Variants in NT5C1A observed in about 807,000 individuals in gnomAD.
The protein encoded by NT5C1A is 5'-nucleotidase, cytosolic IA.
A neutral mutation model predicts 31.0 loss-of-function variants in NT5C1A; 18 were observed. The ratio of observed to expected loss-of-function variants is 0.58; its 90% CI spans 0.40 to 0.86. The LOEUF is 0.86. Among genes scored for constraint, NT5C1A ranks in the 40% least tolerant of loss-of-function variants. The probability of loss-of-function intolerance (pLI) is 0.00; values close to 1 mark genes in which losing one functional copy is unlikely to be tolerated. For missense variants in NT5C1A, 470 were observed against 505.4 expected, an observed-to-expected ratio of 0.93 and a Z score of 0.67; for synonymous variants, 185 against 203.6, an observed-to-expected ratio of 0.91 and a Z score of 0.78.
chr1:39,652,577 CA>C lies in NT5C1A; in HGVS notation c.*6543del, dbSNP rs1646438114. 6.6e-6 allele frequency among the ~76,000 whole-genome samples: 1 copy of C among 152,160 alleles called. No individual in the cohort carries two copies. The highest frequency in any genetic ancestry group is 2.1e-4 in the South Asian group (1 of 4,820). On this transcript the variant is annotated 3_prime_UTR_variant, in exon 6 of 6. Coordinates refer to ENST00000235628, the MANE Select transcript of NT5C1A (RefSeq NM_032526.3). ...GTGGCTTCTTGGTGGCAGTTAGCTACAAGACTAGCCTTGAGGCCTTTACCCT... is the reference window on the plus strand; with the variant it reads ...GTGGCTTCTTGGTGGCAGTTAGCTACAGACTAGCCTTGAGGCCTTTACCCT...
intron 1 of NT5C1A, among the ~76,000 whole-genome samples, chr1:39,667,640 T>C (rs1646530416): frequency 6.6e-6 from 1 of 152,134 alleles, no homozygotes; most frequent in African/African-American, 2.4e-5. Flanking sequence ...CAACATTGAG[T>C]GGTTACCATC....
At chr1:39,662,698 G>A (rs1646497898) in intron 4 of NT5C1A, among the ~76,000 whole-genome samples, 1 of 152,184 alleles carries the variant, frequency 6.6e-6, no homozygotes, top group Non-Finnish European at 1.5e-5. Context: ...TCCTCTATGG[G>A]CCTGTTTATC....
Position 39,658,992 on chromosome 1 carries a change from C to CA in NT5C1A, c.*128dup. The CA allele has an allele frequency of 7.9e-7, 1 of 1,264,218 alleles. No homozygotes were observed. Among genetic ancestry groups the CA allele is most frequent in the Non-Finnish European group, 1.1e-6 (1 of 922,398 alleles). 78.3% of individuals were successfully genotyped at this position (1,264,218 alleles called of 1,614,324 possible). A position where few individuals can be genotyped will look rare whatever the true frequency, so the allele number is the denominator to read the frequency against. ...TCTGCATAATTTCCTACAAGTACAT[C>CA]ACTCATAGGGATGAGGGCAGACAGG... On this transcript the variant is annotated 3_prime_UTR_variant, in exon 6 of 6. Transcript: ENST00000235628.
At position 39,653,602 on chromosome 1, in the gene NT5C1A, A is replaced by C. The variant is rs1209028155; in HGVS notation, c.*5519T>G. On this transcript the variant is annotated 3_prime_UTR_variant, in exon 6 of 6. Transcript: ENST00000235628. Reference sequence around the variant, plus strand: ...AGTCCTTTTTGGCTGGCTAGAGCTAACCGTGGGGAGAGTCCAGCGCAGCAC... The same window carrying C: ...AGTCCTTTTTGGCTGGCTAGAGCTACCCGTGGGGAGAGTCCAGCGCAGCAC... 6.6e-6 allele frequency among the ~76,000 whole-genome samples: 1 copy of C among 152,234 alleles called. No homozygotes were observed. Among genetic ancestry groups the C allele is most frequent in the African/African-American group, 2.4e-5 (1 of 41,464 alleles).
rs571799028 is a variant in NT5C1A, at chr1:39,652,255, G to A, written c.*6866C>T. The stretch of plus-strand genomic sequence containing the variant: ...ACTGGAGATTCAAGGGCCGGATCTC[G>A]CCTACAGAATATGTTTTATTTGGCC... On this transcript the variant is annotated 3_prime_UTR_variant, in exon 6 of 6. Coordinates refer to ENST00000235628, the MANE Select transcript of NT5C1A (RefSeq NM_032526.3). Among the ~76,000 whole-genome samples the A allele has an allele frequency of 2.6e-5, 4 of 152,020 alleles. No homozygotes were observed. Among genetic ancestry groups the A allele is most frequent in the South Asian group, 2.1e-4 (1 of 4,820 alleles).
In NT5C1A at chr1:39,665,907, A is replaced by C. The variant is rs563242469; in HGVS notation, c.303+162T>G. 9.2e-5 allele frequency among the ~76,000 whole-genome samples: 14 copies of C among 152,316 alleles called. No individual in the cohort carries two copies. In the East Asian group the frequency reaches 2.7e-3, roughly 29 times the overall value. Reference sequence around the variant, plus strand: ...GCTGCATTTGTCCAGAGGGTGGATGAATTTTCTTCCCAAAAGACTCTGTCA... The same window carrying C: ...GCTGCATTTGTCCAGAGGGTGGATGCATTTTCTTCCCAAAAGACTCTGTCA... On this transcript the variant is annotated intron_variant, in intron 2 of 5. Transcript: ENST00000235628.
chr1:39,667,624 A>T (rs1456607204), intron 1 of NT5C1A, among the ~76,000 whole-genome samples: 1 of 152,146 alleles, frequency 6.6e-6, no homozygotes, highest in Non-Finnish European at 1.5e-5. Context: ...GGCTCCAATC[A>T]GTTGACAACA....
intron 1 of NT5C1A, 129 bp downstream of exon 1, chr1:39,671,775 C>T: frequency 1.8e-6 from 2 of 1,104,520 alleles, no homozygotes; most frequent in Non-Finnish European, 2.6e-6. Flanking sequence ...AGCTGCAGGG[C>T]GCATTCTGGG....
intron 1 of NT5C1A, among the ~76,000 whole-genome samples, chr1:39,668,765 C>T (rs1646535608): frequency 6.6e-6 from 1 of 152,246 alleles, no homozygotes; most frequent in African/African-American, 2.4e-5. Context: ...ACTGAGGTTT[C>T]TAACGGCAGG....
chr1:39,659,597 T>A, intron 5 of NT5C1A, 111 bp from the exon 6 acceptor site: 1 of 1,364,102 alleles, frequency 7.3e-7, no homozygotes, highest in Non-Finnish European at 9.9e-7. Flanking sequence ...TCAGGATCCC[T>A]AAATCTTTCA....
chr1:39,666,070 T>A lies in NT5C1A; in HGVS notation c.302A>T (p.Lys101Met). The part of the protein sequence containing the change: ...FSPGPAFPFV[K>M]ALEAVNRRLR... ...CTAGTGGTGGAACTGCTCCCTCACC[T>A]TCACAAAAGGGAAGGCTGGCCCGGG... Residue 101 changes from lysine to methionine, a missense_variant and splice_region_variant, in exon 2 of 6, where the codon AAG (lysine) becomes ATG (methionine). Coordinates refer to ENST00000235628, the MANE Select transcript of NT5C1A (RefSeq NM_032526.3). 6.2e-7 allele frequency: 1 copy of A among 1,612,344 alleles called. No homozygotes were observed. Among genetic ancestry groups the A allele is most frequent in the Non-Finnish European group, 8.5e-7 (1 of 1,179,286 alleles).
chr1:39,661,140 G>A lies in NT5C1A; in HGVS notation c.680C>T (p.Ala227Val). The stretch of plus-strand genomic sequence containing the variant: ...CTCGAAGAATCGGTCCAGCCCGTGG[G>A]CCTTGACGATGCGCTCCGACTCGTC... ...FSDESERIVKAHGLDRFFEHE... is the reference protein window; with the variant it reads ...FSDESERIVKVHGLDRFFEHE... Residue 227 changes from alanine (A) to valine (V), a missense_variant, in exon 5 of 6, where the codon GCC (alanine) becomes GTC (valine). By Grantham distance (64) the Ala-to-Val change is moderately conservative. Transcript: ENST00000235628. The A allele has an allele frequency of 6.2e-7, 1 of 1,601,004 alleles. No individual in the cohort carries two copies. The highest frequency in any genetic ancestry group is 8.6e-7 in the Non-Finnish European group (1 of 1,169,174).
In NT5C1A at chr1:39,665,629, G is replaced by A. The variant is rs557786217; in HGVS notation, c.325C>T (p.Arg109Trp). 7.1e-5 allele frequency: 114 copies of A among 1,613,210 alleles called. No homozygotes were observed. The highest frequency in any genetic ancestry group is 1.7e-4 in the Middle Eastern group (1 of 6,036). Residue 109 changes from arginine (R) to tryptophan (W), a missense_variant, in exon 3 of 6, where the codon CGG (arginine) becomes TGG (tryptophan). Physicochemically the swap from Arg to Trp is moderately radical, Grantham distance 101 (BLOSUM62 -3). Coordinates refer to ENST00000235628, the MANE Select transcript of NT5C1A (RefSeq NM_032526.3). Reference protein sequence around the residue: ...FVKALEAVNRRLRELYPDSED... With the variant: ...FVKALEAVNRWLRELYPDSED... Reference sequence around the variant, plus strand: ...CTATCAGGGTACAGCTCCCGCAGCCGCCTGTTCACGGCCTCCAGAGCCTGG... The same window carrying A: ...CTATCAGGGTACAGCTCCCGCAGCCACCTGTTCACGGCCTCCAGAGCCTGG...
At chr1:39,660,982 C>T in intron 5 of NT5C1A, 97 bp downstream of exon 5, 1 of 680,982 alleles carries the variant, frequency 1.5e-6, no homozygotes, top group South Asian at 2.1e-5. Context: ...TGGGCTGAGC[C>T]TGGGGTTTGT....
chr1:39,672,040 C>A lies in NT5C1A; in HGVS notation c.-2G>T, dbSNP rs557019945. 2.5e-6 allele frequency: 4 copies of A among 1,594,526 alleles called. No individual in the cohort carries two copies. In the African/African-American group the frequency reaches 5.4e-5, roughly 21 times the overall value. On this transcript the variant is annotated 5_prime_UTR_variant, in exon 1 of 6. Transcript: ENST00000235628. ...CTCCCGGGGCTGCCCAGGTTCCATG[C>A]TCCGGCTCTGACCCGGCCCGGCCAG...
intron 4 of NT5C1A, 108 bp downstream of exon 4, chr1:39,663,204 G>C: frequency 2.3e-6 from 3 of 1,295,012 alleles, no homozygotes; most frequent in African/African-American, 1.5e-5. Context: ...TTGCCTTCTA[G>C]TTACCATGGC....
chr1:39,671,575 G>T (rs1233715703), intron 1 of NT5C1A, among the ~76,000 whole-genome samples: 1 of 152,222 alleles, frequency 6.6e-6, no homozygotes, highest in African/African-American at 2.4e-5. Flanking sequence ...TTCTGGAAGC[G>T]CTGCGGACCA....
chr1:39,659,512 T>C, intron 5 of NT5C1A, 26 bp from the exon 6 acceptor site: 1 of 1,531,184 alleles, frequency 6.5e-7, no homozygotes, highest in Non-Finnish European at 8.8e-7. Flanking sequence ...GGGAACATTG[T>C]TAGCTCTACC....
intron 4 of NT5C1A, among the ~76,000 whole-genome samples, chr1:39,662,827 T>G (rs141273502): frequency 6.6e-6 from 1 of 152,208 alleles, no homozygotes; most frequent in Non-Finnish European, 1.5e-5. Flanking sequence ...TGCATCTGGG[T>G]CTCCTAAACT....
Sources: allele counts gnomAD v4.1 joint callset (sites outside exome capture counted in the v4.1 genomes callset), GRCh38; gene constraint gnomAD v4.1.1; transcripts MANE v1.5; gene names NCBI Gene and HGNC (gene_info 2026-07-23, HGNC 2026-07-21).